Variants in BRD4 observed in about 807,000 individuals in gnomAD.
BRD4 encodes bromodomain containing 4, also known as bromodomain-containing protein 4.
BRD4 carries 16 observed loss-of-function variants against 142.1 expected under a neutral mutation model. That is an observed-to-expected ratio of 0.11 (90% confidence interval 0.08 to 0.17). BRD4 has a LOEUF of 0.17. Among genes scored for constraint, BRD4 ranks in the 10% least tolerant of loss-of-function variants. The pLI is 1.00. For synonymous variants in BRD4, 833 were observed against 707.5 expected (o/e 1.18, Z -2.82); for missense variants, 1,424 against 1,810.9 (o/e 0.79, Z 3.88).
chr19:15,240,996 A>C (rs2047233677), intron 14 of BRD4, among the ~76,000 whole-genome samples: 1 of 152,066 alleles, frequency 6.6e-6, no homozygotes, highest in Admixed American at 6.6e-5. Flanking sequence ...ATCTATTTTC[A>C]TAGGCCTGGA....
chr19:15,242,771 C>CCT, intron 14 of BRD4, 129 bp downstream of exon 14: 1 of 1,412,066 alleles, frequency 7.1e-7, no homozygotes, highest in South Asian at 1.4e-5. Context: ...TCCAGGTCCC[C>CCT]CTCCAAGCTG....
chr19:15,282,504 T>C (rs1286576233), intron 1 of BRD4, among the ~76,000 whole-genome samples: 1 of 152,114 alleles, frequency 6.6e-6, no homozygotes, highest in African/African-American at 2.4e-5. Context: ...ATGCAATCTA[T>C]CCCCTTTGAC....
At chr19:15,315,625 C>G (rs1324801103) in intron 1 of BRD4, among the ~76,000 whole-genome samples, 3 of 152,110 alleles carry the variant, frequency 2.0e-5, no homozygotes, top group Non-Finnish European at 4.4e-5. Context: ...GAGGACCAGG[C>G]ACGTGAATCA....
intron 10 of BRD4, among the ~76,000 whole-genome samples, chr19:15,254,668 C>A (rs1325602053): frequency 2.0e-5 from 3 of 150,824 alleles, no homozygotes; most frequent in Non-Finnish European, 2.9e-5. Flanking sequence ...CAGGGAGAGA[C>A]CCCCGGGGGT....
At chr19:15,288,841 A>G (rs1175286110) in intron 1 of BRD4, among the ~76,000 whole-genome samples, 1 of 152,220 alleles carries the variant, frequency 6.6e-6, no homozygotes, top group African/African-American at 2.4e-5. Flanking sequence ...AGAACACGCA[A>G]CAGTACCATC....
At chr19:15,277,468 G>A (rs2047659565) in intron 1 of BRD4, among the ~76,000 whole-genome samples, 1 of 152,096 alleles carries the variant, frequency 6.6e-6, no homozygotes, top group South Asian at 2.1e-4. Context: ...TGCAACACTT[G>A]ATCAGCAAGT....
rs1362789787 is a variant in BRD4 at position 15,319,778 on chromosome 19, A to C, written c.-35+12512T>G. 2.0e-5 allele frequency among the ~76,000 whole-genome samples: 3 copies of C among 152,190 alleles called. No homozygotes were observed. The East Asian group carries it at 5.8e-4, about 29-fold the overall frequency. On this transcript the variant is annotated intron_variant, in intron 1 of 19. Coordinates refer to ENST00000679869, the MANE Select transcript of BRD4 (RefSeq NM_001379291.1). The stretch of plus-strand genomic sequence containing the variant: ...GGTGAAACCCCGTCTCTACAAAAAA[A>C]TACCAAAATTAGATGAGTGTGGTGG...
chr19:15,263,543 T>A lies in BRD4; in HGVS notation c.1218A>T (p.Lys406Asn). The change falls in exon 7 of 20, where the codon AAA becomes AAT. Residue 406 changes from lysine to asparagine, a missense_variant. This residue lies in a region of BRD4 where 26 missense variants were observed against 20.2 expected (regional missense o/e 1.29). Coordinates refer to ENST00000679869, the MANE Select transcript of BRD4 (RefSeq NM_001379291.1). ...CATCACGGTACTCACGGGCCTCCAG[T>A]TTAGACTGGAAAACAAGACAAGTCC... is the stretch of plus-strand genomic sequence containing the variant. ...HPMDMSTIKS[K>N]LEAREYRDAQ... 1 of 1,614,144 alleles carries A rather than the reference T, an allele frequency of 6.2e-7. No homozygotes were observed. Among genetic ancestry groups the A allele is most frequent in the Non-Finnish European group, 8.5e-7 (1 of 1,180,004 alleles).
intron 7 of BRD4, among the ~76,000 whole-genome samples, chr19:15,261,978 G>C (rs1310905571): frequency 6.6e-6 from 1 of 152,228 alleles, no homozygotes; most frequent in Non-Finnish European, 1.5e-5. Context: ...ACACTAGTAA[G>C]AAAGAGACCA....
chr19:15,287,248 T>C (rs1362847114), intron 1 of BRD4, among the ~76,000 whole-genome samples: 3 of 152,086 alleles, frequency 2.0e-5, no homozygotes, highest in African/African-American at 4.8e-5. Context: ...TTCTTTTTTT[T>C]TTTAAGACAC....
chr19:15,281,638 A>G (rs2047705166), intron 1 of BRD4, among the ~76,000 whole-genome samples: 1 of 152,232 alleles, frequency 6.6e-6, no homozygotes, highest in Non-Finnish European at 1.5e-5. Flanking sequence ...CTGATTGTTA[A>G]ATCTGGGCGG....
chr19:15,272,692 C>G, intron 2 of BRD4, 123 bp downstream of exon 2: 1 of 898,550 alleles, frequency 1.1e-6, no homozygotes, highest in South Asian at 1.7e-5. Flanking sequence ...CTCAAGGGCC[C>G]TGCAGCTCTC....
chr19:15,267,665 G>A (rs1027746511), intron 3 of BRD4, 114 bp from the exon 4 acceptor site: 253 of 1,263,902 alleles, frequency 2.0e-4, no homozygotes, highest in Admixed American at 2.8e-4. Flanking sequence ...GTCGTATTCC[G>A]GGTCCTTCCC....
intron 11 of BRD4, 123 bp from the exon 12 acceptor site, chr19:15,244,885 C>G: frequency 1.3e-6 from 2 of 1,530,810 alleles, no homozygotes. Context: ...TGAGAAAGGG[C>G]AGCCGAGTTC....
At chr19:15,302,940 G>A (rs368670791) in intron 1 of BRD4, among the ~76,000 whole-genome samples, 16 of 150,434 alleles carry the variant, frequency 1.1e-4, no homozygotes, top group East Asian at 5.8e-4. Flanking sequence ...CCCGGGAGGC[G>A]GAGCTTGCAG....
intron 11 of BRD4, 188 bp from the exon 12 acceptor site, chr19:15,244,950 T>G: frequency 9.8e-7 from 1 of 1,016,118 alleles, no homozygotes; most frequent in Non-Finnish European, 1.4e-6. Flanking sequence ...AGGCATCACC[T>G]ACCCACTTGC....
chr19:15,259,911 G>T (rs1208038219), intron 7 of BRD4, among the ~76,000 whole-genome samples: 1 of 152,242 alleles, frequency 6.6e-6, no homozygotes, highest in African/African-American at 2.4e-5. Flanking sequence ...CCAGCAAGAG[G>T]ACAGTAAAGC....
At chr19:15,267,134 A>G (rs1047910800) in intron 4 of BRD4, among the ~76,000 whole-genome samples, 2 of 152,188 alleles carry the variant, frequency 1.3e-5, no homozygotes, top group Non-Finnish European at 2.9e-5. Flanking sequence ...TGTTCAACAA[A>G]CGTCAAAGTG....
Position 15,242,789 on chromosome 19 carries a change from G to A in BRD4, c.3169+111C>T. 5.3e-6 allele frequency: 8 copies of A among 1,499,820 alleles called. No homozygotes were observed. The South Asian group carries it at 9.1e-5, about 17-fold the overall frequency. The allele number at this position is 1,499,820 out of a possible 1,614,324, so 92.9% of individuals were successfully genotyped here. On this transcript the variant is annotated intron_variant, in intron 14 of 19. Coordinates refer to ENST00000679869, the MANE Select transcript of BRD4 (RefSeq NM_001379291.1). ...AGGTCCCCCTCCAAGCTGAGGCTCA[G>A]CTCTGAACCCACTGCAGCCTGAAGC...
Sources: gnomAD v4.1 joint callset for allele counts (sites outside exome capture counted in the v4.1 genomes callset) on GRCh38, gnomAD v4.1.1 for gene constraint, gnomAD v4.1.1 regional missense constraint, MANE v1.5 for transcripts, NCBI Gene and HGNC (gene_info 2026-07-23, HGNC 2026-07-21) for gene names.